Variants in LHFPL3 observed in about 807,000 individuals in gnomAD.
LHFPL3 encodes the protein LHFPL tetraspan subfamily member 3.
A neutral mutation model predicts 19.3 loss-of-function variants in LHFPL3; 5 were observed. The ratio of observed to expected loss-of-function variants is 0.26; its 90% CI spans 0.14 to 0.54. LHFPL3 has a LOEUF of 0.54. Among genes scored for constraint, LHFPL3 ranks in the 20% least tolerant of loss-of-function variants. The pLI, the probability that LHFPL3 is intolerant of heterozygous loss-of-function variation, is 0.94. For missense variants in LHFPL3, 249 were observed against 307.4 expected (o/e 0.81, Z 1.42); for synonymous variants, 133 against 126.2 (o/e 1.05, Z -0.36).
chr7:104,689,403 C>T (rs1232669175), intron 1 of LHFPL3, among the ~76,000 whole-genome samples: 1 of 152,174 alleles, frequency 6.6e-6, no homozygotes, highest in Non-Finnish European at 1.5e-5. Context: ...AGGAAGCCTA[C>T]TGCATTCTTA....
chr7:104,778,030 G>A (rs1794660492), intron 2 of LHFPL3, among the ~76,000 whole-genome samples: 1 of 152,204 alleles, frequency 6.6e-6, no homozygotes, highest in African/African-American at 2.4e-5. Flanking sequence ...CTCCTTCCAT[G>A]ACAATCTGGG....
intron 1 of LHFPL3, among the ~76,000 whole-genome samples, chr7:104,711,024 T>G (rs987607426): frequency 6.6e-6 from 1 of 152,140 alleles, no homozygotes; most frequent in African/African-American, 2.4e-5. Flanking sequence ...CATGATAGGT[T>G]TAGAGCTATG....
At chr7:104,853,641 A>G (rs1303313985) in intron 2 of LHFPL3, among the ~76,000 whole-genome samples, 1 of 152,246 alleles carries the variant, frequency 6.6e-6, no homozygotes, top group Admixed American at 6.5e-5. Context: ...ATTTAAAAGT[A>G]TATATTCAAA....
chr7:104,387,169 A>C (rs1790963251), intron 1 of LHFPL3, among the ~76,000 whole-genome samples: 1 of 152,162 alleles, frequency 6.6e-6, no homozygotes, highest in Non-Finnish European at 1.5e-5. Context: ...ACAGCAACAA[A>C]CTTATAGATT....
In LHFPL3 at chr7:104,328,746, CAGGAGGAGGAGG is replaced by C. The variant is rs71794813; in HGVS notation, c.-18_-7del. 36 of 1,489,956 alleles carry C rather than the reference CAGGAGGAGGAGG, an allele frequency of 2.4e-5. No homozygotes were observed. Among genetic ancestry groups the C allele is most frequent in the African/African-American group, 1.3e-4 (9 of 71,008 alleles). The allele number at this position is 1,489,956 out of a possible 1,614,324, so 92.3% of individuals were successfully genotyped here. A position where few individuals can be genotyped will look rare whatever the true frequency, so the allele number is the denominator to read the frequency against. On this transcript the variant is annotated 5_prime_UTR_variant, in exon 1 of 3. Coordinates refer to ENST00000424859, the MANE Select transcript of LHFPL3 (RefSeq NM_199000.3). The surrounding 1 kb of genome is among the most constrained non-coding windows in gnomAD (Gnocchi z 4.6). ...TGAGAGGCGGGGGGAGGCGGAGGAC[CAGGAGGAGGAGG>C]AGGAGGAGGAGGAGGGGGAGAATGC... is the stretch of plus-strand genomic sequence containing the variant.
chr7:104,836,412 G>A lies in LHFPL3; in HGVS notation c.683-69775G>A, dbSNP rs183233004. ...TTGCTTTCTTCTATTGTCACTGGGC[G>A]TGCTGGCCCCATATGCTAAGGCACT... On this transcript the variant is annotated intron_variant, in intron 2 of 2. Transcript: ENST00000424859. 1.8e-4 allele frequency among the ~76,000 whole-genome samples: 28 copies of A among 152,268 alleles called. No homozygotes were observed. In the East Asian group the frequency reaches 4.8e-3, roughly 26 times the overall value.
intron 2 of LHFPL3, among the ~76,000 whole-genome samples, chr7:104,846,868 G>A (rs1271469416): frequency 1.3e-5 from 2 of 152,218 alleles, no homozygotes; most frequent in Non-Finnish European, 2.9e-5. Flanking sequence ...GATTTCAAAA[G>A]TACATGATGC....
intron 2 of LHFPL3, among the ~76,000 whole-genome samples, chr7:104,819,619 T>G (rs1388821055): frequency 6.6e-6 from 1 of 152,242 alleles, no homozygotes; most frequent in Non-Finnish European, 1.5e-5. Context: ...TATATGTGCT[T>G]CAGCACTAGT....
chr7:104,485,073 T>C (rs916854365), intron 1 of LHFPL3, among the ~76,000 whole-genome samples: 2 of 152,194 alleles, frequency 1.3e-5, no homozygotes, highest in Non-Finnish European at 2.9e-5. Context: ...TTTTAAAAAA[T>C]ATATTGTTCA....
intron 1 of LHFPL3, among the ~76,000 whole-genome samples, chr7:104,579,191 G>C (rs1222200132): frequency 6.6e-6 from 1 of 152,256 alleles, no homozygotes; most frequent in African/African-American, 2.4e-5. Context: ...TCGGGAGTAC[G>C]TGTGCAGGTT....
intron 1 of LHFPL3, among the ~76,000 whole-genome samples, chr7:104,680,934 G>T (rs988984783): frequency 6.6e-6 from 1 of 152,118 alleles, no homozygotes; most frequent in South Asian, 2.1e-4. Context: ...CCGAGCTACT[G>T]ATTACAGAAC....
At chr7:104,680,590 T>C (rs9885990) in intron 1 of LHFPL3, among the ~76,000 whole-genome samples, 62,845 of 152,068 alleles carry the variant, frequency 0.41, 13,421 homozygotes, top group South Asian at 0.57. Flanking sequence ...CCTCCCCTTG[T>C]AGGACCTAAC....
intron 1 of LHFPL3, among the ~76,000 whole-genome samples, chr7:104,561,005 T>C (rs550484312): frequency 1.3e-5 from 2 of 151,622 alleles, no homozygotes; most frequent in Non-Finnish European, 2.9e-5. Flanking sequence ...AGTGAGATTC[T>C]TAACCCTGAG....
chr7:104,563,689 G>A (rs10263556), intron 1 of LHFPL3, among the ~76,000 whole-genome samples: 4 of 152,158 alleles, frequency 2.6e-5, no homozygotes, highest in East Asian at 1.9e-4. Context: ...GTTCCTGTTC[G>A]GCCATCTTGG....
chr7:104,684,630 T>C (rs67476481), intron 1 of LHFPL3, among the ~76,000 whole-genome samples: 16,379 of 152,334 alleles, frequency 0.11, 1,007 homozygotes, highest in African/African-American at 0.12. Context: ...GGCTGACTTC[T>C]GCTCTGGTCT....
intron 1 of LHFPL3, among the ~76,000 whole-genome samples, chr7:104,568,838 C>T (rs936915413): frequency 1.3e-5 from 2 of 152,182 alleles, no homozygotes; most frequent in Admixed American, 1.3e-4. Flanking sequence ...AAACAATGCT[C>T]AGTTAGTTCT....
chr7:104,412,900 T>C (rs761234418), intron 1 of LHFPL3, among the ~76,000 whole-genome samples: 7 of 152,192 alleles, frequency 4.6e-5, no homozygotes, highest in Non-Finnish European at 8.8e-5. Flanking sequence ...ACCATAAATG[T>C]GTTTGTCAGG....
At chr7:104,423,454 A>G (rs1791773733) in intron 1 of LHFPL3, among the ~76,000 whole-genome samples, 1 of 152,166 alleles carries the variant, frequency 6.6e-6, no homozygotes, top group Non-Finnish European at 1.5e-5. Context: ...CTCTAGAAAA[A>G]TTAAAAAAAA....
chr7:104,543,458 T>G (rs1261330197), intron 1 of LHFPL3, among the ~76,000 whole-genome samples: 1 of 151,880 alleles, frequency 6.6e-6, no homozygotes, highest in Non-Finnish European at 1.5e-5. Flanking sequence ...TAAAGACACA[T>G]GCACACGTAT....
Sources: gnomAD v4.1 joint callset for allele counts (sites outside exome capture counted in the v4.1 genomes callset) on GRCh38, gnomAD v4.1.1 for gene constraint, Gnocchi (gnomAD v3.1) non-coding constraint, MANE v1.5 for transcripts, NCBI Gene and HGNC (gene_info 2026-07-23, HGNC 2026-07-21) for gene names.